The following HS6ST3 variants were observed in gnomAD, a reference collection of about 807,000 sequenced individuals.
The protein encoded by HS6ST3 is heparan-sulfate 6-O-sulfotransferase 3.
A neutral mutation model predicts 36.7 loss-of-function variants in HS6ST3; 12 were observed. The observed-to-expected ratio is 0.33, with a 90% CI of 0.21 to 0.53. The LOEUF is 0.53. Among genes scored for constraint, HS6ST3 ranks in the 20% least tolerant of loss-of-function variants. The pLI, the probability that HS6ST3 is intolerant of heterozygous loss-of-function variation, is 0.95. For synonymous variants in HS6ST3, 240 were observed against 257.5 expected (o/e 0.93, Z 0.65); for missense variants, 584 against 640.9 (o/e 0.91, Z 0.96).
At chr13:96,594,293 T>A (rs970854231) in intron 1 of HS6ST3, among the ~76,000 whole-genome samples, 3 of 151,822 alleles carry the variant, frequency 2.0e-5, no homozygotes, top group Non-Finnish European at 4.4e-5. Flanking sequence ...TTTTAGAGAA[T>A]ATAATATATT....
intron 1 of HS6ST3, among the ~76,000 whole-genome samples, chr13:96,404,738 G>A (rs1292962541): frequency 6.6e-6 from 1 of 152,194 alleles, no homozygotes; most frequent in Non-Finnish European, 1.5e-5. Flanking sequence ...TGAGCTGGGG[G>A]AAATTAGATC....
At chr13:96,445,474 T>C (rs191754160) in intron 1 of HS6ST3, among the ~76,000 whole-genome samples, 1 of 152,152 alleles carries the variant, frequency 6.6e-6, no homozygotes, top group South Asian at 2.1e-4. Flanking sequence ...CCTATTAGTA[T>C]GGAAGCAATA....
intron 1 of HS6ST3, among the ~76,000 whole-genome samples, chr13:96,622,170 C>T (rs910876301): frequency 6.6e-5 from 10 of 151,838 alleles, no homozygotes. Flanking sequence ...TGATTTAAAT[C>T]CTCTAGGCAA....
intron 1 of HS6ST3, among the ~76,000 whole-genome samples, chr13:96,172,748 G>A (rs1473888708): frequency 1.3e-5 from 2 of 152,176 alleles, no homozygotes; most frequent in African/African-American, 2.4e-5. Context: ...GAAAGCAGAA[G>A]AACACAACAA....
At chr13:96,360,568 C>T (rs957709961) in intron 1 of HS6ST3, among the ~76,000 whole-genome samples, 49 of 151,138 alleles carry the variant, frequency 3.2e-4, no homozygotes, top group African/African-American at 1.2e-3. Context: ...TCTATTGATA[C>T]CAAGGTAGAA....
At chr13:96,768,470 T>G (rs1010511289) in intron 1 of HS6ST3, among the ~76,000 whole-genome samples, 2 of 152,176 alleles carry the variant, frequency 1.3e-5, no homozygotes, top group Non-Finnish European at 2.9e-5. Flanking sequence ...TGTATTCTTA[T>G]CTAGGTTTTT....
chr13:96,135,781 TAG>T (rs2053998725), intron 1 of HS6ST3, among the ~76,000 whole-genome samples: 1 of 152,152 alleles, frequency 6.6e-6, no homozygotes, highest in African/African-American at 2.4e-5. Flanking sequence ...GAATTAGGCA[TAG>T]AGTTTTATTG....
chr13:96,097,017 G>A (rs1195163651), intron 1 of HS6ST3, among the ~76,000 whole-genome samples: 2 of 152,092 alleles, frequency 1.3e-5, no homozygotes, highest in African/African-American at 2.4e-5. Flanking sequence ...GTTCATTACC[G>A]AGTCTCCTAA....
intron 1 of HS6ST3, among the ~76,000 whole-genome samples, chr13:96,466,362 A>G (rs2055813697): frequency 2.0e-5 from 3 of 152,190 alleles, no homozygotes; most frequent in Non-Finnish European, 4.4e-5. Flanking sequence ...ACCATGTTGT[A>G]GATTAGATCT....
intron 1 of HS6ST3, among the ~76,000 whole-genome samples, chr13:96,681,616 T>C (rs988186035): frequency 1.3e-5 from 2 of 152,172 alleles, no homozygotes; most frequent in African/African-American, 4.8e-5. Flanking sequence ...CAACAGATTA[T>C]TTCTTCAGAG....
At chr13:96,360,945 C>CCCAAA (rs1555300658) in intron 1 of HS6ST3, among the ~76,000 whole-genome samples, 1 of 130,878 alleles carries the variant, frequency 7.6e-6, no homozygotes, top group African/African-American at 2.9e-5. Context: ...GACCCTGTCC[C>CCCAAA]AAAAAAAAAA....
chr13:96,227,884 A>G (rs1566294372), intron 1 of HS6ST3, among the ~76,000 whole-genome samples: 1 of 152,250 alleles, frequency 6.6e-6, no homozygotes, highest in Non-Finnish European at 1.5e-5. Context: ...CACAGTATCA[A>G]ATTATACCAT....
rs964207638 is a variant in HS6ST3, at chr13:96,148,700, C to T, written c.707+57131C>T. Among the ~76,000 whole-genome samples the T allele has an allele frequency of 4.6e-5, 7 of 152,108 alleles. No individual in the cohort carries two copies. The East Asian group carries it at 9.6e-4, about 21-fold the overall frequency. ...AGGACCCATGAAAATTAGATTATTT[C>T]TTAAAGCAACAATAGTTATAAGGAT... On this transcript the variant is annotated intron_variant, in intron 1 of 1. Coordinates refer to ENST00000376705, the MANE Select transcript of HS6ST3 (RefSeq NM_153456.4).
intron 1 of HS6ST3, among the ~76,000 whole-genome samples, chr13:96,270,705 G>A (rs1434787183): frequency 3.3e-5 from 5 of 151,876 alleles, no homozygotes; most frequent in African/African-American, 1.2e-4. Flanking sequence ...GAGTGACAGA[G>A]AAAAGAAATG....
chr13:96,380,717 G>A (rs1248569519), intron 1 of HS6ST3, among the ~76,000 whole-genome samples: 2 of 152,196 alleles, frequency 1.3e-5, no homozygotes, highest in African/African-American at 4.8e-5. Flanking sequence ...TTTGGATAAA[G>A]TAGCTACTGA....
At chr13:96,114,193 C>T (rs1002960782) in intron 1 of HS6ST3, among the ~76,000 whole-genome samples, 2 of 151,574 alleles carry the variant, frequency 1.3e-5, no homozygotes, top group Non-Finnish European at 2.9e-5. Flanking sequence ...TCTCTGTCAC[C>T]CAGGCTGGAC....
At position 96,210,634 on chromosome 13, in the gene HS6ST3, C is replaced by T. The variant is rs61966861; in HGVS notation, c.707+119065C>T. On this transcript the variant is annotated intron_variant, in intron 1 of 1. Coordinates refer to ENST00000376705, the MANE Select transcript of HS6ST3 (RefSeq NM_153456.4). ...AGATGGAGTCTCACTCACTCTGTTG[C>T]CCAGGTTGGAGTACAGTGGCACAAT... 7.9e-3 allele frequency among the ~76,000 whole-genome samples: 1,201 copies of T among 151,094 alleles called. 5 individuals are homozygous for T. The highest frequency in any genetic ancestry group is 0.012 in the Non-Finnish European group (803 of 67,836).
chr13:96,309,283 C>T (rs1407664293), intron 1 of HS6ST3, among the ~76,000 whole-genome samples: 2 of 151,948 alleles, frequency 1.3e-5, no homozygotes, highest in African/African-American at 4.8e-5. Context: ...AAGCATAGCG[C>T]ATAGGCATAG....
At chr13:96,188,379 C>CACA (rs2054274242) in intron 1 of HS6ST3, among the ~76,000 whole-genome samples, 1 of 152,078 alleles carries the variant, frequency 6.6e-6, no homozygotes, top group Non-Finnish European at 1.5e-5. Flanking sequence ...CTTTGGTAGG[C>CACA]CAAAGCTGGA....
Sources: gnomAD v4.1 joint callset for allele counts (sites outside exome capture counted in the v4.1 genomes callset) on GRCh38, gnomAD v4.1.1 for gene constraint, MANE v1.5 for transcripts, NCBI Gene and HGNC (gene_info 2026-07-23, HGNC 2026-07-21) for gene names.